Variants in SETD1B observed in about 807,000 individuals in gnomAD.
The protein encoded by SETD1B is histone-lysine N-methyltransferase SETD1B.
In SETD1B, 7 loss-of-function variants were observed where a neutral mutation model predicts 148.0. The observed-to-expected ratio is 0.05, with a 90% CI of 0.03 to 0.09. The LOEUF is 0.09. Among genes scored for constraint, SETD1B ranks in the 10% least tolerant of loss-of-function variants. The probability of loss-of-function intolerance (pLI) is 1.00; values close to 1 mark genes in which losing one functional copy is unlikely to be tolerated. For missense variants in SETD1B, 2,155 were observed against 2,729.9 expected, an observed-to-expected ratio of 0.79 and a Z score of 4.69; for synonymous variants, 1,361 against 1,186.5, an observed-to-expected ratio of 1.15 and a Z score of -3.02.
rs901321299 is a variant in SETD1B, at chr12:121,805,669, ATTTTTTTTTTCCAAAAAAAATT to A, written c.274-155_274-134del. ...CCGCTTCCCGGGCCCGCCCGCGTGC[ATTTTTTTTTTCCAAAAAAAATT>A]TTTTTTTTTTTTTTAATTTTTAGTT... On this transcript the variant is annotated intron_variant, in intron 3 of 16. Transcript: ENST00000604567. The surrounding 1 kb of genome is among the most constrained non-coding windows in gnomAD (Gnocchi z 4.2). Among the ~76,000 whole-genome samples, 3 of 131,356 alleles carry A rather than the reference ATTTTTTTTTTCCAAAAAAAATT, an allele frequency of 2.3e-5. No homozygotes were observed. Among genetic ancestry groups the A allele is most frequent in the Non-Finnish European group, 3.2e-5 (2 of 62,474 alleles). 86.2% of individuals were successfully genotyped at this position (131,356 alleles called of 152,430 possible). A position where few individuals can be genotyped will look rare whatever the true frequency, so the allele number is the denominator to read the frequency against.
chr12:121,828,145 A>G, intron 16 of SETD1B, 75 bp downstream of exon 16: 2 of 1,518,028 alleles, frequency 1.3e-6, no homozygotes, highest in Non-Finnish European at 1.8e-6. Flanking sequence ...GAGGGCCTGG[A>G]AGCCCCGGCA....
At chr12:121,790,400 CCT>C in the SETD1B span, among the ~76,000 whole-genome samples, 8 of 152,288 alleles carry the variant, frequency 5.3e-5, no homozygotes, top group Admixed American at 3.9e-4. Context: ...TTGGCCTTTG[CCT>C]CTCTCTACGT....
the SETD1B span, chr12:121,793,819 T>C: frequency 2.0e-6 from 1 of 505,748 alleles, no homozygotes; most frequent in Non-Finnish European, 3.4e-6. Flanking sequence ...GGTGTGGGTA[T>C]TCAGCTCTCA....
Position 121,817,786 on chromosome 12 carries a change from C to T in SETD1B, c.3313-13C>T. On this transcript the variant is annotated splice_polypyrimidine_tract_variant and intron_variant, in intron 9 of 16. Coordinates refer to ENST00000604567, the MANE Select transcript of SETD1B (RefSeq NM_001353345.2). This position sits in a 1 kb window ranked among gnomAD's most constrained non-coding sequence, Gnocchi z 8.1. ...CTTCGGCTCACCTGTCCCCACTCTTCCTTCTCCCCCAGGATGACGACGATG... is the reference window on the plus strand; with the variant it reads ...CTTCGGCTCACCTGTCCCCACTCTTTCTTCTCCCCCAGGATGACGACGATG... 6.5e-7 allele frequency: 1 copy of T among 1,546,428 alleles called. No homozygotes were observed. The highest frequency in any genetic ancestry group is 8.7e-7 in the Non-Finnish European group (1 of 1,143,978).
chr12:121,813,513 A>C (rs1357495923), intron 6 of SETD1B, among the ~76,000 whole-genome samples: 1 of 152,170 alleles, frequency 6.6e-6, no homozygotes, highest in Non-Finnish European at 1.5e-5. Context: ...GGTTACTTAA[A>C]TTCTCTGTGC....
chr12:121,809,570 C>T (rs1046429728), intron 5 of SETD1B, 33 bp from the exon 6 acceptor site: 1 of 1,507,654 alleles, frequency 6.6e-7, no homozygotes, highest in South Asian at 1.3e-5. Flanking sequence ...GCATGTTTTC[C>T]CCCAGTGGTC....
intron 6 of SETD1B, among the ~76,000 whole-genome samples, chr12:121,813,293 G>A (rs1297071564): frequency 6.8e-6 from 1 of 148,090 alleles, no homozygotes; most frequent in African/African-American, 2.5e-5. Context: ...CACGAGACTA[G>A]GTGAAAAGAG....
At chr12:121,797,097 G>C in the SETD1B span, 1 of 234,994 alleles carries the variant, frequency 4.3e-6, no homozygotes, top group South Asian at 4.5e-5. Flanking sequence ...GAGCTTGCTG[G>C]AAGTCACATG....
chr12:121,800,241 C>G (rs151237143), upstream of SETD1B: 1 of 152,164 alleles, frequency 6.6e-6, no homozygotes, highest in Non-Finnish European at 1.5e-5. Context: ...ATCCCGGGGC[C>G]CCCCCTCCGC....
At chr12:121,790,224 G>T in the SETD1B span, among the ~76,000 whole-genome samples, 1 of 152,258 alleles carries the variant, frequency 6.6e-6, no homozygotes, top group Non-Finnish European at 1.5e-5. Flanking sequence ...TTTGGTCCTG[G>T]GTGTGGAGAA....
In SETD1B at chr12:121,804,578, G is replaced by A. The variant is rs1351316237; in HGVS notation, c.-14-146G>A. ...ATTCTCTCGCTCCATTCTTGTTTTG[G>A]GGGGAGCCAGCGAGACAGCTCCTTT... On this transcript the variant is annotated intron_variant, in intron 1 of 16. Coordinates refer to ENST00000604567, the MANE Select transcript of SETD1B (RefSeq NM_001353345.2). The surrounding 1 kb of genome is among the most constrained non-coding windows in gnomAD (Gnocchi z 4.6). 3 of 645,110 alleles carry A rather than the reference G, an allele frequency of 4.7e-6. No homozygotes were observed. The highest frequency in any genetic ancestry group is 7.9e-6 in the Non-Finnish European group (3 of 381,252). 40.0% of individuals were successfully genotyped at this position (645,110 alleles called of 1,614,324 possible). A position where few individuals can be genotyped will look rare whatever the true frequency, so the allele number is the denominator to read the frequency against.
chr12:121,804,920 C>A lies in SETD1B; in HGVS notation c.174+9C>A. ...AGCATTTCAGCCTGGCGGTGAGTAG[C>A]CGGCGCGCCCCCCCAGCCGTGCCCC... On this transcript the variant is annotated intron_variant, in intron 2 of 16. Transcript: ENST00000604567. This position sits in a 1 kb window ranked among gnomAD's most constrained non-coding sequence, Gnocchi z 4.6. The A allele has an allele frequency of 6.7e-7, 1 of 1,487,176 alleles. No individual in the cohort carries two copies. The highest frequency in any genetic ancestry group is 9.0e-7 in the Non-Finnish European group (1 of 1,115,344). The allele number at this position is 1,487,176 out of a possible 1,614,324, so 92.1% of individuals were successfully genotyped here. A position where few individuals can be genotyped will look rare whatever the true frequency, so the allele number is the denominator to read the frequency against.
rs1876902145 is a variant in SETD1B at position 121,827,602 on chromosome 12, C to T, written c.5421C>T (p.Ser1807=). The T allele has an allele frequency of 6.4e-7, 1 of 1,551,416 alleles. No individual in the cohort carries two copies. The highest frequency in any genetic ancestry group is 8.7e-7 in the Non-Finnish European group (1 of 1,146,956). The part of the protein sequence containing the change: ...RRSEQRRLLS[S]FTGSCDSDLL... Reference sequence around the variant, plus strand: ...CGGAGCAGCGCCGCCTGCTGTCCTCCTTCACTGGCAGCTGTGACAGTGACC... The same window carrying T: ...CGGAGCAGCGCCGCCTGCTGTCCTCTTTCACTGGCAGCTGTGACAGTGACC... Residue 1807 remains serine, a synonymous_variant, in exon 14 of 17, where the codon TCC becomes TCT. Transcript: ENST00000604567.
the SETD1B span, among the ~76,000 whole-genome samples, chr12:121,794,510 G>A: frequency 2.0e-5 from 3 of 152,222 alleles, no homozygotes; most frequent in Non-Finnish European, 2.9e-5. Context: ...CCCTCTCCTG[G>A]AGCTTTGGAG....
rs1876484694 is a variant in SETD1B at position 121,819,857 on chromosome 12, T to C, written c.3872T>C (p.Val1291Ala). ...LLSPEPPAKE[V>A]EARPPLSPER... Reference sequence around the variant, plus strand: ...TCTCCAGAGCCCCCTGCCAAGGAGGTGGAGGCTCGACCCCCATTGTCCCCT... The same window carrying C: ...TCTCCAGAGCCCCCTGCCAAGGAGGCGGAGGCTCGACCCCCATTGTCCCCT... Residue 1291 changes from valine to alanine, a missense_variant, in exon 11 of 17, where the codon GTG (valine) becomes GCG (alanine). By Grantham distance (64) the Val-to-Ala change is moderately conservative. Transcript: ENST00000604567. 1.3e-6 allele frequency: 2 copies of C among 1,550,954 alleles called. No homozygotes were observed. Among genetic ancestry groups the C allele is most frequent in the Non-Finnish European group, 1.7e-6 (2 of 1,146,820 alleles).
In SETD1B at chr12:121,804,065, GGCA is replaced by G. The variant is rs961138934; in HGVS notation, c.-168_-166del. ...AGCCTCCGCCGCCAGCCGCCTCCCG[GGCA>G]GCAGCAGCAGCAGCGGCGGCGGCAG... is the stretch of plus-strand genomic sequence containing the variant. On this transcript the variant is annotated 5_prime_UTR_variant, in exon 1 of 17. Transcript: ENST00000604567. This position sits in a 1 kb window ranked among gnomAD's most constrained non-coding sequence, Gnocchi z 4.6. 3.1e-4 allele frequency: 48 copies of G among 152,956 alleles called. No individual in the cohort carries two copies. The highest frequency in any genetic ancestry group is 6.3e-4 in the African/African-American group (26 of 41,368). 9.5% of individuals were successfully genotyped at this position (152,956 alleles called of 1,614,324 possible).
chr12:121,808,142 G>C lies in SETD1B; in HGVS notation c.545-66G>C. ...ACCCACCAGGGTGCCACACAGGTTG[G>C]AATCCTTGTGGGGGCTGCCCCATCC... is the stretch of plus-strand genomic sequence containing the variant. On this transcript the variant is annotated intron_variant, in intron 4 of 16. Coordinates refer to ENST00000604567, the MANE Select transcript of SETD1B (RefSeq NM_001353345.2). This position sits in a 1 kb window ranked among gnomAD's most constrained non-coding sequence, Gnocchi z 5.3. 1 of 1,316,878 alleles carries C rather than the reference G, an allele frequency of 7.6e-7. No individual in the cohort carries two copies. Among genetic ancestry groups the C allele is most frequent in the Non-Finnish European group, 1.1e-6 (1 of 943,720 alleles). The allele number at this position is 1,316,878 out of a possible 1,614,324, so 81.6% of individuals were successfully genotyped here. A position where few individuals can be genotyped will look rare whatever the true frequency, so the allele number is the denominator to read the frequency against.
chr12:121,798,034 C>T, the SETD1B span, among the ~76,000 whole-genome samples: 2 of 152,244 alleles, frequency 1.3e-5, no homozygotes. Flanking sequence ...TTACTTCCAA[C>T]CAGACAGTCC....
chr12:121,806,221 C>T (rs1021664341), intron 4 of SETD1B, 116 bp downstream of exon 4: 114 of 1,175,842 alleles, frequency 9.7e-5, no homozygotes, highest in Non-Finnish European at 1.2e-4. Context: ...TCCCCCCCCA[C>T]AACCTTATTT....
Sources: gnomAD v4.1 joint callset for allele counts (sites outside exome capture counted in the v4.1 genomes callset) on GRCh38, gnomAD v4.1.1 for gene constraint, Gnocchi (gnomAD v3.1) non-coding constraint, MANE v1.5 for transcripts, NCBI Gene and HGNC (gene_info 2026-07-23, HGNC 2026-07-21) for gene names.